TMEM248: variants seen among roughly 807,000 people sequenced by gnomAD.
The protein encoded by TMEM248 is UPF0458 protein C7orf42.
Under a neutral mutation model 30.3 loss-of-function variants are expected in TMEM248, and 9 were observed. The ratio of observed to expected loss-of-function variants is 0.30; its 90% CI spans 0.18 to 0.52. The LOEUF is 0.52. TMEM248 is among the 20% of genes least tolerant of loss of function. The pLI, the probability that TMEM248 is intolerant of heterozygous loss-of-function variation, is 0.97. For synonymous variants in TMEM248, 184 were observed against 154.4 expected (o/e 1.19, Z -1.42); for missense variants, 338 against 403.3 (o/e 0.84, Z 1.39).
At chr7:66,944,886 G>T in intron 2 of TMEM248, 90 bp from the exon 3 acceptor site, 1 of 1,375,626 alleles carries the variant, frequency 7.3e-7, no homozygotes, top group South Asian at 1.3e-5. Context: ...CTGATGTGCT[G>T]CGGTGCCACA....
intron 1 of TMEM248, among the ~76,000 whole-genome samples, chr7:66,938,047 G>A (rs193234847): frequency 1.3e-5 from 2 of 152,236 alleles, no homozygotes; most frequent in East Asian, 1.9e-4. Context: ...TCCATTTGAT[G>A]TGTGTCTTTA....
At chr7:66,925,394 C>T (rs1355867174) in intron 1 of TMEM248, among the ~76,000 whole-genome samples, 1 of 152,180 alleles carries the variant, frequency 6.6e-6, no homozygotes, top group African/African-American at 2.4e-5. Context: ...CTCTAACGGA[C>T]TTTGTACCCT....
rs1308714060 is a variant in TMEM248, at chr7:66,950,982, C to T, written c.627C>T (p.Tyr209=). The change falls in exon 5 of 7, where the codon TAC becomes TAT. Residue 209 remains tyrosine, a synonymous_variant. Coordinates refer to ENST00000341567, the MANE Select transcript of TMEM248 (RefSeq NM_017994.5). ...VQPPHCVPDT[Y]SNATLWYKIF... ...CACCGCACTGTGTTCCTGACACGTA[C>T]AGCAACGCCACGCTCTGGTACAAGA... 3.1e-6 allele frequency: 5 copies of T among 1,606,406 alleles called. No homozygotes were observed. In the African/African-American group the frequency reaches 6.7e-5, roughly 22 times the overall value.
intron 3 of TMEM248, among the ~76,000 whole-genome samples, chr7:66,948,148 G>C (rs75150585): frequency 0.014 from 2,119 of 152,290 alleles, 58 homozygotes; most frequent in East Asian, 0.092. Context: ...AAGGGGAACA[G>C]CTGCACTTCT....
rs754187046 is a variant in TMEM248 at position 66,950,963 on chromosome 7, A to G, written c.608A>G (p.His203Arg). The G allele has an allele frequency of 5.0e-6, 8 of 1,589,848 alleles. No individual in the cohort carries two copies. Among genetic ancestry groups the G allele is most frequent in the Non-Finnish European group, 6.8e-6 (8 of 1,168,294 alleles). The change falls in exon 5 of 7, where the codon CAC becomes CGC. Residue 203 changes from histidine to arginine, a missense_variant. His to Arg is a conservative substitution (Grantham distance 29). Transcript: ENST00000341567. ...GVFPVTVQPP[H>R]CVPDTYSNAT... ...CTCTTCTCCTGCAGACAGCCACCGC[A>G]CTGTGTTCCTGACACGTACAGCAAC... is the stretch of plus-strand genomic sequence containing the variant.
At chr7:66,921,610 G>A (rs1791386891) in intron 1 of TMEM248, 149 bp downstream of exon 1, 1 of 152,228 alleles carries the variant, frequency 6.6e-6, no homozygotes, top group African/African-American at 2.4e-5. Context: ...AACTGCTGGC[G>A]GGGGTCGCCC....
intron 1 of TMEM248, among the ~76,000 whole-genome samples, chr7:66,937,013 T>A (rs916730327): frequency 2.6e-5 from 4 of 152,196 alleles, no homozygotes; most frequent in African/African-American, 4.8e-5. Context: ...TGCATGTTGC[T>A]TTTTTGATGT....
intron 1 of TMEM248, among the ~76,000 whole-genome samples, chr7:66,939,912 C>G (rs1209220838): frequency 6.6e-6 from 1 of 151,830 alleles, no homozygotes; most frequent in African/African-American, 2.4e-5. Flanking sequence ...TGAGGGTGAC[C>G]AGGGAAGGTG....
chr7:66,951,049 G>GATTACAATCCTTTC lies in TMEM248; in HGVS notation c.695_708dup (p.Trp237IlefsTer19). ...AGATGCCAACACAAAATACGCCCAA[G>GATTACAATCCTTTC]ATTACAATCCTTTCTGGTGTTATAA... On this transcript the variant is annotated frameshift_variant, in exon 5 of 7. Coordinates refer to ENST00000341567, the MANE Select transcript of TMEM248 (RefSeq NM_017994.5). LOFTEE classifies it high-confidence loss of function. 1 of 1,613,236 alleles carries GATTACAATCCTTTC rather than the reference G, an allele frequency of 6.2e-7. No individual in the cohort carries two copies. The highest frequency in any genetic ancestry group is 8.5e-7 in the Non-Finnish European group (1 of 1,179,802).
chr7:66,937,442 T>C (rs1249158433), intron 1 of TMEM248, among the ~76,000 whole-genome samples: 1 of 152,278 alleles, frequency 6.6e-6, no homozygotes, highest in Non-Finnish European at 1.5e-5. Flanking sequence ...TGTCCAATGC[T>C]GAAAGCAGAG....
intron 3 of TMEM248, 100 bp downstream of exon 3, chr7:66,945,361 G>A: frequency 7.6e-7 from 1 of 1,310,200 alleles, no homozygotes; most frequent in Non-Finnish European, 1.1e-6. Context: ...GTACTAGATT[G>A]TAGTCTTGCG....
intron 2 of TMEM248, among the ~76,000 whole-genome samples, chr7:66,942,991 G>A (rs1792004130): frequency 1.3e-5 from 2 of 150,452 alleles, no homozygotes; most frequent in South Asian, 2.1e-4. Context: ...ATGCTCTAGG[G>A]CATTCTAGAT....
chr7:66,926,702 A>G (rs1158477314), intron 1 of TMEM248, among the ~76,000 whole-genome samples: 1 of 152,104 alleles, frequency 6.6e-6, no homozygotes, highest in African/African-American at 2.4e-5. Flanking sequence ...CTTTAAAATG[A>G]AAAAACAGAA....
At chr7:66,954,383 A>ATT (rs557096964) in intron 6 of TMEM248, among the ~76,000 whole-genome samples, 60 of 125,284 alleles carry the variant, frequency 4.8e-4, no homozygotes, top group Non-Finnish European at 6.2e-4. Flanking sequence ...TGCTTTTTTA[A>ATT]TTTTTTTTTT....
chr7:66,935,651 T>C (rs1329718360), intron 1 of TMEM248, among the ~76,000 whole-genome samples: 2 of 152,242 alleles, frequency 1.3e-5, no homozygotes, highest in Non-Finnish European at 2.9e-5. Context: ...CAAGGGATTC[T>C]CATGCCTCAG....
chr7:66,946,190 A>T (rs767163612), intron 3 of TMEM248, among the ~76,000 whole-genome samples: 11 of 151,756 alleles, frequency 7.2e-5, no homozygotes, highest in Non-Finnish European at 1.2e-4. Context: ...TGAACCCAAG[A>T]CGTGGAGGTT....
rs761824046 is a variant in TMEM248 at position 66,944,986 on chromosome 7, C to T, written c.170C>T (p.Thr57Ile). The T allele has an allele frequency of 1.9e-6, 3 of 1,614,062 alleles. No individual in the cohort carries two copies. Among genetic ancestry groups the T allele is most frequent in the Non-Finnish European group, 2.5e-6 (3 of 1,179,886 alleles). ...KSPEMAEDWN[T>I]FLLRFNDLDL... ...TTCACTTTCCCAAAGGATTGGAATA[C>T]TTTTCTGCTACGGTTCAATGATTTG... Residue 57 changes from threonine (T) to isoleucine (I), a missense_variant, in exon 3 of 7, where the codon ACT becomes ATT. Coordinates refer to ENST00000341567, the MANE Select transcript of TMEM248 (RefSeq NM_017994.5).
intron 1 of TMEM248, among the ~76,000 whole-genome samples, chr7:66,934,264 A>G (rs4236209): frequency 0.37 from 56,551 of 151,840 alleles, 11,101 homozygotes; most frequent in East Asian, 0.71. Context: ...GCAGTGGCAC[A>G]AAGTCAGCTC....
At chr7:66,944,771 G>A (rs750030604) in intron 2 of TMEM248, among the ~76,000 whole-genome samples, 1 of 152,098 alleles carries the variant, frequency 6.6e-6, no homozygotes, top group Non-Finnish European at 1.5e-5. Flanking sequence ...CATATTTTAG[G>A]TTGTGAATAT....
Sources: allele counts gnomAD v4.1 joint callset (sites outside exome capture counted in the v4.1 genomes callset), GRCh38; gene constraint gnomAD v4.1.1; transcripts MANE v1.5; gene names NCBI Gene and HGNC (gene_info 2026-07-23, HGNC 2026-07-21).